Variants in KIF13B observed in about 807,000 individuals in gnomAD.
The protein encoded by KIF13B is kinesin-like protein KIF13B.
A neutral mutation model predicts 222.0 loss-of-function variants in KIF13B; 127 were observed. The observed-to-expected ratio is 0.57, with a 90% CI of 0.50 to 0.66. KIF13B has a LOEUF of 0.66. KIF13B is among the 30% of genes least tolerant of loss of function. KIF13B has a pLI of 0.00. For synonymous variants in KIF13B, 976 were observed against 919.0 expected, an observed-to-expected ratio of 1.06 and a Z score of -1.12; for missense variants, 2,173 against 2,379.0, an observed-to-expected ratio of 0.91 and a Z score of 1.80.
At chr8:29,203,674 C>A (rs1001252912) in intron 2 of KIF13B, among the ~76,000 whole-genome samples, 9 of 152,062 alleles carry the variant, frequency 5.9e-5, no homozygotes, top group African/African-American at 2.2e-4. Flanking sequence ...AGGCGGATCA[C>A]AAGGTCAGGA....
At chr8:29,136,036 G>A (rs891061239) in intron 21 of KIF13B, among the ~76,000 whole-genome samples, 1 of 152,094 alleles carries the variant, frequency 6.6e-6, no homozygotes, top group African/African-American at 2.4e-5. Flanking sequence ...CATCTTTTCT[G>A]TGATGTCAAC....
chr8:29,116,009 C>T (rs533765926), intron 31 of KIF13B, among the ~76,000 whole-genome samples: 45 of 152,320 alleles, frequency 3.0e-4, no homozygotes, highest in African/African-American at 9.4e-4. Flanking sequence ...CAGCTCAGGC[C>T]GAGAGCAGTT....
intron 27 of KIF13B, 31 bp downstream of exon 27, chr8:29,123,993 G>T: frequency 1.5e-6 from 2 of 1,342,478 alleles, no homozygotes; most frequent in Non-Finnish European, 1.1e-6. Context: ...TGATTTGCAG[G>T]GGAGAAAAAT....
chr8:29,081,338 C>T (rs1807801993), intron 37 of KIF13B, among the ~76,000 whole-genome samples: 1 of 152,198 alleles, frequency 6.6e-6, no homozygotes, highest in Admixed American at 6.5e-5. Flanking sequence ...GGTGGTGACC[C>T]AGCACTGAGA....
At chr8:29,120,450 A>C (rs1439433075) in intron 29 of KIF13B, among the ~76,000 whole-genome samples, 1 of 34,202 alleles carries the variant, frequency 2.9e-5, no homozygotes, top group Non-Finnish European at 5.6e-5. Context: ...TGTTCTTGCG[A>C]TAGTTTACTG....
chr8:29,159,299 T>C (rs1184577651), intron 13 of KIF13B, among the ~76,000 whole-genome samples: 10 of 152,058 alleles, frequency 6.6e-5, no homozygotes, highest in Admixed American at 6.6e-4. Flanking sequence ...TACAGGCATG[T>C]ACCACCACCC....
chr8:29,195,778 G>T (rs1440628499), intron 3 of KIF13B, among the ~76,000 whole-genome samples: 2 of 152,240 alleles, frequency 1.3e-5, no homozygotes, highest in Non-Finnish European at 2.9e-5. Context: ...TTTGACCGCA[G>T]TTTGGAACTA....
At chr8:29,209,818 G>C (rs1223911882) in intron 2 of KIF13B, among the ~76,000 whole-genome samples, 1 of 149,412 alleles carries the variant, frequency 6.7e-6, no homozygotes, top group Non-Finnish European at 1.5e-5. Context: ...ATGGGAGGCT[G>C]AGTTGGGAAG....
intron 2 of KIF13B, among the ~76,000 whole-genome samples, chr8:29,198,087 T>A (rs1167154585): frequency 1.3e-5 from 2 of 152,208 alleles, no homozygotes; most frequent in Non-Finnish European, 2.9e-5. Flanking sequence ...TATCAAGTGA[T>A]TTCTGACAAG....
chr8:29,242,170 A>G (rs1815811077), intron 2 of KIF13B, among the ~76,000 whole-genome samples: 2 of 152,170 alleles, frequency 1.3e-5, no homozygotes, highest in Admixed American at 6.5e-5. Flanking sequence ...AAAATAGAAG[A>G]TAAAACTTAG....
Position 29,113,390 on chromosome 8 carries a change from G to A in KIF13B, c.3930+73C>T, listed in dbSNP as rs1253361525. The stretch of plus-strand genomic sequence containing the variant: ...CTTTCACTTCATATGTATGTCATGG[G>A]TAGGTCACTTTTCAGGGAGTTGGCT... On this transcript the variant is annotated intron_variant, in intron 32 of 39. Coordinates refer to ENST00000524189, the MANE Select transcript of KIF13B (RefSeq NM_015254.4). 1.9e-5 allele frequency: 16 copies of A among 833,620 alleles called. No individual in the cohort carries two copies. In the Admixed American group the frequency reaches 2.2e-4, roughly 11 times the overall value. 51.6% of individuals were successfully genotyped at this position (833,620 alleles called of 1,614,324 possible). A position where few individuals can be genotyped will look rare whatever the true frequency, so the allele number is the denominator to read the frequency against.
chr8:29,156,535 G>A (rs1811534586), intron 13 of KIF13B, among the ~76,000 whole-genome samples: 1 of 151,200 alleles, frequency 6.6e-6, no homozygotes, highest in African/African-American at 2.4e-5. Context: ...TTATTTTTGA[G>A]ACAGGGTCTT....
At chr8:29,118,841 G>T in intron 30 of KIF13B, 27 bp downstream of exon 30, 1 of 1,611,766 alleles carries the variant, frequency 6.2e-7, no homozygotes, top group South Asian at 1.1e-5. Flanking sequence ...CTTTTCATCT[G>T]ACCATCCCAA....
intron 36 of KIF13B, among the ~76,000 whole-genome samples, chr8:29,097,013 C>T (rs11785934): frequency 0.54 from 81,388 of 151,816 alleles, 24,773 homozygotes; most frequent in Non-Finnish European, 0.7. Context: ...GATTGAAGGG[C>T]AGGAACTACG....
In KIF13B at chr8:29,143,279, A is replaced by G. The variant is rs185961777; in HGVS notation, c.2188-976T>C. Among the ~76,000 whole-genome samples, 6 of 152,348 alleles carry G rather than the reference A, an allele frequency of 3.9e-5. No individual in the cohort carries two copies. In the East Asian group the frequency reaches 1.2e-3, roughly 29 times the overall value. On this transcript the variant is annotated intron_variant, in intron 18 of 39. Coordinates refer to ENST00000524189, the MANE Select transcript of KIF13B (RefSeq NM_015254.4). ...CAACGTTATCAATGGGGAGAGAGGG[A>G]AAGTTTGCTGCGGTGTATGGGGAAG...
chr8:29,083,918 G>T (rs1161599648), intron 37 of KIF13B, among the ~76,000 whole-genome samples: 1 of 151,968 alleles, frequency 6.6e-6, no homozygotes, highest in Non-Finnish European at 1.5e-5. Flanking sequence ...TGTGTTTTTT[G>T]TTTGTTTGTT....
Position 29,083,236 on chromosome 8 carries a change from A to T in KIF13B, c.4459-7893T>A, listed in dbSNP as rs553396220. 1.9e-4 allele frequency among the ~76,000 whole-genome samples: 29 copies of T among 152,368 alleles called. No homozygotes were observed. In the East Asian group the frequency reaches 5.2e-3, roughly 27 times the overall value. ...AAACAAATCAAAAGAATATTTCATA[A>T]CATAAAAATTATGTAAAATTCAAAT... On this transcript the variant is annotated intron_variant, in intron 37 of 39. Transcript: ENST00000524189.
chr8:29,248,612 A>C (rs1816144776), intron 1 of KIF13B, among the ~76,000 whole-genome samples: 1 of 152,138 alleles, frequency 6.6e-6, no homozygotes, highest in African/African-American at 2.4e-5. Flanking sequence ...GTATGGAAGA[A>C]ACTGACCCCA....
At chr8:29,136,906 T>TC (rs774038028) in intron 21 of KIF13B, among the ~76,000 whole-genome samples, 1 of 150,522 alleles carries the variant, frequency 6.6e-6, no homozygotes, top group African/African-American at 2.5e-5. Context: ...TTCACACCAT[T>TC]CTCCTGCCTC....
Sources: allele counts gnomAD v4.1 joint callset (sites outside exome capture counted in the v4.1 genomes callset), GRCh38; gene constraint gnomAD v4.1.1; transcripts MANE v1.5; gene names NCBI Gene and HGNC (gene_info 2026-07-23, HGNC 2026-07-21).